TCF12: variants seen among roughly 807,000 people sequenced by gnomAD.
The protein encoded by TCF12 is transcription factor 12, also known as DNA-binding protein HTF4.
TCF12 carries 45 observed loss-of-function variants against 86.0 expected under a neutral mutation model. The ratio of observed to expected loss-of-function variants is 0.52; its 90% CI spans 0.41 to 0.67. TCF12 has a LOEUF of 0.67. Among genes scored for constraint, TCF12 ranks in the 30% least tolerant of loss-of-function variants. The probability of loss-of-function intolerance (pLI) is 0.00; values close to 1 mark genes in which losing one functional copy is unlikely to be tolerated. For missense variants in TCF12, 881 were observed against 859.9 expected (o/e 1.02, Z -0.31); for synonymous variants, 330 against 299.6 (o/e 1.10, Z -1.05).
intron 3 of TCF12, among the ~76,000 whole-genome samples, chr15:57,021,854 T>C (rs2065506278): frequency 1.3e-5 from 2 of 151,976 alleles, no homozygotes; most frequent in Admixed American, 6.6e-5. Context: ...CACAGGGACA[T>C]GAGTATGTGC....
intron 6 of TCF12, among the ~76,000 whole-genome samples, chr15:57,179,577 G>A (rs1290832953): frequency 6.6e-6 from 1 of 152,088 alleles, no homozygotes; most frequent in Non-Finnish European, 1.5e-5. Flanking sequence ...TCGTTGGCAG[G>A]ATACATTTGA....
chr15:57,105,897 C>T lies in TCF12; in HGVS notation c.325+14006C>T, dbSNP rs558195615. On this transcript the variant is annotated intron_variant, in intron 5 of 20. Transcript: ENST00000333725. ...TTCCATAAATATGAGTTGTTATGTT[C>T]GTTATAAGGGGTATTTAAAAAGTGG... 6.6e-5 allele frequency among the ~76,000 whole-genome samples: 10 copies of T among 152,144 alleles called. No individual in the cohort carries two copies. In the South Asian group the frequency reaches 1.0e-3, roughly 16 times the overall value.
intron 5 of TCF12, among the ~76,000 whole-genome samples, chr15:57,154,866 G>C (rs1156614497): frequency 1.3e-5 from 2 of 152,040 alleles, no homozygotes; most frequent in African/African-American, 2.4e-5. Context: ...AGTCAATATA[G>C]TATTGTATAA....
chr15:57,050,368 G>C (rs1003449262), intron 3 of TCF12, among the ~76,000 whole-genome samples: 1 of 152,086 alleles, frequency 6.6e-6, no homozygotes, highest in South Asian at 2.1e-4. Context: ...GAGGTGACAT[G>C]AGCATCCTTC....
chr15:56,993,941 G>A (rs906597295), intron 3 of TCF12, among the ~76,000 whole-genome samples: 2 of 152,092 alleles, frequency 1.3e-5, no homozygotes, highest in Non-Finnish European at 2.9e-5. Context: ...TGATAATAAC[G>A]TTGGAATTAT....
rs1171880674 is a variant in TCF12 at position 57,197,924 on chromosome 15, C to A, written c.579+99C>A. On this transcript the variant is annotated intron_variant, in intron 8 of 20. Transcript: ENST00000333725. ...GGTACATTCGATTGATGCGAGTGGG[C>A]ATACTTTACATAGTAATTGTTCAGT... 11 of 1,109,122 alleles carry A rather than the reference C, an allele frequency of 9.9e-6. No homozygotes were observed. The East Asian group carries it at 2.6e-4, about 26-fold the overall frequency. The allele number at this position is 1,109,122 out of a possible 1,614,324, so 68.7% of individuals were successfully genotyped here. A position where few individuals can be genotyped will look rare whatever the true frequency, so the allele number is the denominator to read the frequency against.
chr15:57,221,315 A>C (rs2058577418), intron 8 of TCF12, among the ~76,000 whole-genome samples: 1 of 152,006 alleles, frequency 6.6e-6, no homozygotes, highest in African/African-American at 2.4e-5. Context: ...TCAAATGTGA[A>C]AATAATTTTC....
At chr15:57,195,274 C>T (rs915315164) in intron 7 of TCF12, among the ~76,000 whole-genome samples, 6 of 152,176 alleles carry the variant, frequency 3.9e-5, no homozygotes, top group South Asian at 2.1e-4. Context: ...GATTTTAAAT[C>T]AGACATTTTG....
chr15:57,221,383 G>GGGGTGTGTGTGT (rs1555399492), intron 8 of TCF12, among the ~76,000 whole-genome samples: 1 of 148,640 alleles, frequency 6.7e-6, no homozygotes, highest in African/African-American at 2.5e-5. Context: ...ATGTGTGTGG[G>GGGGTGTGTGTGT]GTGTGTGTGT....
intron 8 of TCF12, among the ~76,000 whole-genome samples, chr15:57,221,032 C>G (rs1333188858): frequency 6.6e-6 from 1 of 152,134 alleles, no homozygotes; most frequent in Non-Finnish European, 1.5e-5. Context: ...TTAAAGTAGC[C>G]TATGGCTACA....
chr15:57,226,589 ATTAG>A (rs2058891736), intron 8 of TCF12, among the ~76,000 whole-genome samples: 1 of 152,164 alleles, frequency 6.6e-6, no homozygotes, highest in African/African-American at 2.4e-5. Context: ...AATCTTGGTA[ATTAG>A]TTCTGTGTTG....
At position 57,282,446 on chromosome 15, in the gene TCF12, G is replaced by C. The variant is rs775488650; in HGVS notation, c.1980G>C (p.Glu660Asp). The stretch of plus-strand genomic sequence containing the variant: ...AAAAATTCTTTCCCCCTGTTTTAGA[G>C]AGGAACCTTAACCCCAAAGCAGCCT... ...VILSLEQQVR[E>D]RNLNPKAACL... Residue 660 changes from glutamate (E) to aspartate (D), a missense_variant and splice_region_variant, in exon 20 of 21, where the codon GAG becomes GAC. Glu to Asp is a conservative substitution (Grantham distance 45, BLOSUM62 2). This residue lies in a region of TCF12 where 69 missense variants were observed against 64.2 expected (regional missense o/e 1.07). Transcript: ENST00000333725. 6.2e-7 allele frequency: 1 copy of C among 1,614,138 alleles called. No individual in the cohort carries two copies. Among genetic ancestry groups the C allele is most frequent in the South Asian group, 1.1e-5 (1 of 91,078 alleles).
chr15:56,948,493 G>C (rs1457676765), intron 3 of TCF12, among the ~76,000 whole-genome samples: 1 of 152,140 alleles, frequency 6.6e-6, no homozygotes, highest in African/African-American at 2.4e-5. Flanking sequence ...CTTAGCCTCA[G>C]GGAAATCTTT....
chr15:57,104,861 G>GTTTTTTTTTTTTTTTTTTT (rs11336613), intron 5 of TCF12, among the ~76,000 whole-genome samples: 1 of 71,448 alleles, frequency 1.4e-5, no homozygotes, highest in Admixed American at 2.1e-4. Context: ...CTTTGGTGGT[G>GTTTTTTTTTTTTTTTTTTT]TTTTTTTTTT....
At chr15:57,096,152 G>A (rs1019212838) in intron 5 of TCF12, among the ~76,000 whole-genome samples, 4 of 152,074 alleles carry the variant, frequency 2.6e-5, no homozygotes, top group African/African-American at 4.8e-5. Flanking sequence ...ATGGATGACC[G>A]TGGAAAAACG....
chr15:57,141,347 C>G (rs1265207397), intron 5 of TCF12, among the ~76,000 whole-genome samples: 1 of 152,150 alleles, frequency 6.6e-6, no homozygotes, highest in Non-Finnish European at 1.5e-5. Flanking sequence ...ATTCCCCACT[C>G]GCTGTTTGAT....
intron 3 of TCF12, among the ~76,000 whole-genome samples, chr15:57,019,585 G>T (rs1009670616): frequency 1.1e-4 from 17 of 152,220 alleles, no homozygotes; most frequent in African/African-American, 3.9e-4. Context: ...ACGGAAAAAC[G>T]GTCTTCATGT....
At chr15:57,091,503 C>T (rs1171896057) in intron 4 of TCF12, among the ~76,000 whole-genome samples, 1 of 152,056 alleles carries the variant, frequency 6.6e-6, no homozygotes, top group Non-Finnish European at 1.5e-5. Context: ...CTCCCCATCC[C>T]ATCAGAAGAG....
rs138476940 is a variant in TCF12 at position 57,207,379 on chromosome 15, T to C, written c.579+9554T>C. ...TGAGGCTAGTATTAATAATAAATAATAAATAGGCCGGGCGCGGTGGCTTAA... is the reference window on the plus strand; with the variant it reads ...TGAGGCTAGTATTAATAATAAATAACAAATAGGCCGGGCGCGGTGGCTTAA... On this transcript the variant is annotated intron_variant, in intron 8 of 20. Transcript: ENST00000333725. 3.0e-4 allele frequency among the ~76,000 whole-genome samples: 46 copies of C among 152,172 alleles called. 1 individual carries two copies. Among genetic ancestry groups the C allele is most frequent in the Non-Finnish European group, 5.0e-4 (34 of 67,990 alleles).
Sources: gnomAD v4.1 joint callset for allele counts (sites outside exome capture counted in the v4.1 genomes callset) on GRCh38, gnomAD v4.1.1 for gene constraint, gnomAD v4.1.1 regional missense constraint, MANE v1.5 for transcripts, NCBI Gene and HGNC (gene_info 2026-07-23, HGNC 2026-07-21) for gene names.